Variants in MAN2A1 observed in about 807,000 individuals in gnomAD.
MAN2A1 encodes alpha-mannosidase 2.
A neutral mutation model predicts 142.6 loss-of-function variants in MAN2A1; 76 were observed. That is an observed-to-expected ratio of 0.53 (90% CI 0.44 to 0.65). The LOEUF (loss-of-function observed/expected upper bound fraction) is 0.65, where lower values mean the gene tolerates loss of function less well. Ranked by LOEUF, MAN2A1 falls within the 30% of genes least tolerant of loss-of-function variation. The pLI is 0.00. For missense variants in MAN2A1, 1,311 were observed against 1,365.1 expected (o/e 0.96, Z 0.62); for synonymous variants, 559 against 473.2 (o/e 1.18, Z -2.35).
intron 8 of MAN2A1, among the ~76,000 whole-genome samples, chr5:109,776,886 T>C (rs1204843316): frequency 6.6e-6 from 1 of 152,160 alleles, no homozygotes; most frequent in Admixed American, 6.6e-5. Flanking sequence ...ACATTATGTT[T>C]GCGAGAGTCA....
At chr5:109,860,140 T>C (rs538286533) in intron 20 of MAN2A1, among the ~76,000 whole-genome samples, 1 of 152,224 alleles carries the variant, frequency 6.6e-6, no homozygotes, top group East Asian at 1.9e-4. Context: ...GTCTTTCTTA[T>C]AAGAATTGAT....
chr5:109,703,059 G>A (rs1751033909), intron 1 of MAN2A1, among the ~76,000 whole-genome samples: 1 of 152,124 alleles, frequency 6.6e-6, no homozygotes, highest in Non-Finnish European at 1.5e-5. Flanking sequence ...GGTTGAAGGG[G>A]GGTTGATTAT....
intron 15 of MAN2A1, among the ~76,000 whole-genome samples, chr5:109,822,867 C>CG (rs1754664006): frequency 6.6e-6 from 1 of 151,978 alleles, no homozygotes; most frequent in Admixed American, 6.6e-5. Flanking sequence ...TTAGTAGAGA[C>CG]GGGGTTTCAC....
chr5:109,712,084 A>G (rs1309225225), intron 1 of MAN2A1, among the ~76,000 whole-genome samples: 1 of 147,270 alleles, frequency 6.8e-6, no homozygotes, highest in Non-Finnish European at 1.5e-5. Context: ...ATTTGCTGCT[A>G]ATTTTGGCTA....
At chr5:109,772,867 C>T (rs1255955841) in intron 7 of MAN2A1, among the ~76,000 whole-genome samples, 6 of 151,652 alleles carry the variant, frequency 4.0e-5, no homozygotes, top group African/African-American at 1.5e-4. Context: ...GTACAGATGG[C>T]ATCTTTTGAT....
intron 12 of MAN2A1, among the ~76,000 whole-genome samples, chr5:109,801,056 C>G (rs1306930553): frequency 6.6e-6 from 1 of 152,140 alleles, no homozygotes; most frequent in Non-Finnish European, 1.5e-5. Flanking sequence ...TATAGTGTTT[C>G]ATTTTGTATT....
chr5:109,845,945 T>A lies in MAN2A1; in HGVS notation c.2781T>A (p.Asp927Glu), dbSNP rs777057094. 6.2e-7 allele frequency: 1 copy of A among 1,613,876 alleles called. No individual in the cohort carries two copies. The highest frequency in any genetic ancestry group is 1.1e-5 in the South Asian group (1 of 91,070). Reference protein sequence around the residue: ...YPMTTMAYIQDAKHRLTLLSA... With the variant: ...YPMTTMAYIQEAKHRLTLLSA... ...TGACCACAATGGCCTATATCCAGGA[T>A]GCCAAACATCGTTTGACACTGCTCT... Residue 927 changes from aspartate to glutamate, a missense_variant, in exon 18 of 22, where the codon GAT (aspartate) becomes GAA (glutamate). By Grantham distance (45) the Asp-to-Glu change is conservative. This residue lies in a region of MAN2A1 where 890 missense variants were observed against 920.5 expected (regional missense o/e 0.97). Coordinates refer to ENST00000261483, the MANE Select transcript of MAN2A1 (RefSeq NM_002372.4).
chr5:109,826,636 A>AT (rs1754768105), intron 16 of MAN2A1, among the ~76,000 whole-genome samples: 1 of 152,140 alleles, frequency 6.6e-6, no homozygotes, highest in Admixed American at 6.5e-5. Flanking sequence ...TTCACATACC[A>AT]TTGCCTGAAC....
At chr5:109,702,492 T>A (rs1751016968) in intron 1 of MAN2A1, among the ~76,000 whole-genome samples, 1 of 152,060 alleles carries the variant, frequency 6.6e-6, no homozygotes, top group African/African-American at 2.4e-5. Context: ...GAGAATACCC[T>A]CCAAACTGCC....
chr5:109,814,774 A>G (rs1754408716), intron 12 of MAN2A1, among the ~76,000 whole-genome samples: 1 of 152,232 alleles, frequency 6.6e-6, no homozygotes. Context: ...TGTTTGCATT[A>G]AGTATGAGTA....
At position 109,867,726 on chromosome 5, in the gene MAN2A1, C is replaced by G. The variant is rs959661206; in HGVS notation, c.*728C>G. On this transcript the variant is annotated 3_prime_UTR_variant, in exon 22 of 22. Transcript: ENST00000261483. ...AAAATAGAAGCAATTCCATAGGTAC[C>G]ATAAACCTATTTTAGGTACCACAAG... 6.6e-6 allele frequency: 1 copy of G among 152,476 alleles called. No homozygotes were observed. Among genetic ancestry groups the G allele is most frequent in the Non-Finnish European group, 1.5e-5 (1 of 68,014 alleles). 9.4% of individuals were successfully genotyped at this position (152,476 alleles called of 1,614,324 possible).
chr5:109,725,428 C>T (rs1751716735), intron 3 of MAN2A1, among the ~76,000 whole-genome samples: 1 of 152,194 alleles, frequency 6.6e-6, no homozygotes, highest in African/African-American at 2.4e-5. Flanking sequence ...AGCCTCTTGG[C>T]CACTGTTTAG....
At chr5:109,797,288 A>G (rs1753889301) in intron 12 of MAN2A1, among the ~76,000 whole-genome samples, 3 of 149,364 alleles carry the variant, frequency 2.0e-5, no homozygotes, top group African/African-American at 2.4e-5. Flanking sequence ...GAACTCTCAA[A>G]AAGTTTTGAG....
intron 7 of MAN2A1, among the ~76,000 whole-genome samples, chr5:109,772,807 G>C (rs1454952108): frequency 6.6e-6 from 1 of 152,108 alleles, no homozygotes; most frequent in Non-Finnish European, 1.5e-5. Flanking sequence ...ACCATGCCTA[G>C]CCCTGTTCAA....
At chr5:109,731,811 G>A (rs6897830) in intron 4 of MAN2A1, among the ~76,000 whole-genome samples, 53,240 of 146,732 alleles carry the variant, frequency 0.36, 10,283 homozygotes, top group African/African-American at 0.52. Flanking sequence ...GAATAGTGCC[G>A]CAATAAACAT....
In MAN2A1 at chr5:109,868,948, A is replaced by G. The variant is rs889637563; in HGVS notation, c.*1950A>G. 6.6e-6 allele frequency: 1 copy of G among 152,262 alleles called. No homozygotes were observed. The highest frequency in any genetic ancestry group is 1.5e-5 in the Non-Finnish European group (1 of 68,026). The allele number at this position is 152,262 out of a possible 1,614,324, so 9.4% of individuals were successfully genotyped here. Reference sequence around the variant, plus strand: ...TGTGATCAGATGAAATAAAAAAAAAATCTTGATGCAATAACAGTGGTTTTG... The same window carrying G: ...TGTGATCAGATGAAATAAAAAAAAAGTCTTGATGCAATAACAGTGGTTTTG... On this transcript the variant is annotated 3_prime_UTR_variant, in exon 22 of 22. Transcript: ENST00000261483.
At chr5:109,825,773 G>A (rs769691841) in intron 16 of MAN2A1, among the ~76,000 whole-genome samples, 5 of 152,098 alleles carry the variant, frequency 3.3e-5, no homozygotes, top group African/African-American at 4.8e-5. Flanking sequence ...AGGAGCCCGG[G>A]CCACTGAGGT....
chr5:109,737,940 T>TG (rs1263751953), intron 4 of MAN2A1, among the ~76,000 whole-genome samples: 1 of 152,170 alleles, frequency 6.6e-6, no homozygotes, highest in Non-Finnish European at 1.5e-5. Context: ...CAGATGTGGA[T>TG]GACTGTGGCT....
intron 12 of MAN2A1, among the ~76,000 whole-genome samples, chr5:109,803,137 A>C (rs1734536962): frequency 6.6e-6 from 1 of 152,004 alleles, no homozygotes; most frequent in African/African-American, 2.4e-5. Flanking sequence ...AATCTTCCTT[A>C]CCAGGCCCTT....
Sources: gnomAD v4.1 joint callset for allele counts (sites outside exome capture counted in the v4.1 genomes callset) on GRCh38, gnomAD v4.1.1 for gene constraint, gnomAD v4.1.1 regional missense constraint, MANE v1.5 for transcripts, NCBI Gene and HGNC (gene_info 2026-07-23, HGNC 2026-07-21) for gene names.